Variants in TMEM156 observed in about 807,000 individuals in gnomAD.
TMEM156 encodes transmembrane protein 156.
Under a neutral mutation model 30.5 loss-of-function variants are expected in TMEM156, and 28 were observed. The observed-to-expected ratio is 0.92, with a 90% CI of 0.68 to 1.26. TMEM156 has a LOEUF of 1.26. Ranked by LOEUF, TMEM156 falls within the 50% of genes most tolerant of loss-of-function variation. TMEM156 has a pLI of 0.00. For synonymous variants in TMEM156, 137 were observed against 119.9 expected (o/e 1.14, Z -0.93); for missense variants, 351 against 340.6 (o/e 1.03, Z -0.24).
chr4:38,971,024 T>A lies in TMEM156; in HGVS notation c.*38+8A>T, dbSNP rs1722571028. 2.0e-6 allele frequency: 3 copies of A among 1,535,434 alleles called. No individual in the cohort carries two copies. The highest frequency in any genetic ancestry group is 1.1e-5 in the South Asian group (1 of 88,298). On this transcript the variant is annotated splice_region_variant and intron_variant, in intron 6 of 6. Transcript: ENST00000381938. ...TGAAGAAGTCGATAAAGCCGAATCA[T>A]CACTCACCGTGTATATTGATCTCAC...
chr4:38,981,239 T>C (rs990268766), intron 5 of TMEM156, among the ~76,000 whole-genome samples: 3 of 152,220 alleles, frequency 2.0e-5, no homozygotes, highest in Non-Finnish European at 2.9e-5. Flanking sequence ...ATAAACATGT[T>C]CCAAATTATA....
rs34271253 is a variant in TMEM156 at position 38,976,289 on chromosome 4, C to CA, written c.824-5153dup. Among the ~76,000 whole-genome samples the CA allele has an allele frequency of 2.9e-3, 214 of 74,174 alleles. 2 individuals carry two copies. Among genetic ancestry groups the CA allele is most frequent in the East Asian group, 3.6e-3 (10 of 2,752 alleles). The allele number at this position is 74,174 out of a possible 152,430, so 48.7% of individuals were successfully genotyped here. On this transcript the variant is annotated intron_variant, in intron 5 of 6. Coordinates refer to ENST00000381938, the MANE Select transcript of TMEM156 (RefSeq NM_024943.3). ...CTGGTGACAGAGCTAGACTCCGTCT[C>CA]AAAAAAAAAAAAAAAAAAAAAAGCA...
chr4:38,969,640 C>A (rs912246623), intron 6 of TMEM156, among the ~76,000 whole-genome samples: 1 of 152,098 alleles, frequency 6.6e-6, no homozygotes, highest in African/African-American at 2.4e-5. Context: ...CAAGCTAGAG[C>A]GCAGTGGCAT....
At chr4:38,999,004 T>A in intron 1 of TMEM156, 95 bp from the exon 2 acceptor site, 2 of 1,065,030 alleles carry the variant, frequency 1.9e-6, no homozygotes, top group Non-Finnish European at 2.7e-6. Context: ...TTTTCTTAGG[T>A]GGATTCAGTA....
chr4:38,974,518 C>T (rs1284524907), intron 5 of TMEM156, among the ~76,000 whole-genome samples: 4 of 152,058 alleles, frequency 2.6e-5, no homozygotes, highest in East Asian at 3.9e-4. Flanking sequence ...CATTCTCCTG[C>T]GAACTGCTCT....
At chr4:38,970,134 G>T (rs1456983716) in intron 6 of TMEM156, among the ~76,000 whole-genome samples, 1 of 144,926 alleles carries the variant, frequency 6.9e-6, no homozygotes, top group Non-Finnish European at 1.5e-5. Flanking sequence ...CTCACACACT[G>T]TGTGTGTGTG....
At chr4:38,984,984 C>T (rs568193288) in intron 5 of TMEM156, among the ~76,000 whole-genome samples, 1 of 133,132 alleles carries the variant, frequency 7.5e-6, no homozygotes, top group Admixed American at 7.4e-5. Context: ...ATTCCCTCGA[C>T]TATATGGGTT....
At chr4:38,981,956 T>C (rs1426523835) in intron 5 of TMEM156, among the ~76,000 whole-genome samples, 1 of 152,174 alleles carries the variant, frequency 6.6e-6, no homozygotes, top group Non-Finnish European at 1.5e-5. Flanking sequence ...ATGGTTAATA[T>C]TGAGTGTCAA....
intron 1 of TMEM156, among the ~76,000 whole-genome samples, chr4:39,006,133 T>TTATC (rs1472334243): frequency 6.6e-6 from 1 of 152,132 alleles, no homozygotes; most frequent in African/African-American, 2.4e-5. Context: ...TGACCCCAAG[T>TTATC]TATCTGCCCA....
intron 1 of TMEM156, among the ~76,000 whole-genome samples, chr4:39,010,283 G>T (rs982729220): frequency 6.6e-6 from 1 of 152,112 alleles, no homozygotes; most frequent in Non-Finnish European, 1.5e-5. Flanking sequence ...TCATGCTCAT[G>T]GATCAGAATA....
chr4:38,979,388 G>A (rs1227385827), intron 5 of TMEM156, among the ~76,000 whole-genome samples: 2 of 152,252 alleles, frequency 1.3e-5, no homozygotes, highest in Admixed American at 6.5e-5. Flanking sequence ...CGCAAAGCTA[G>A]TGTGGCTGCC....
intron 1 of TMEM156, among the ~76,000 whole-genome samples, chr4:39,007,526 A>G (rs1713823569): frequency 6.6e-6 from 1 of 152,066 alleles, no homozygotes; most frequent in Admixed American, 6.5e-5. Flanking sequence ...GGCTAACTGC[A>G]TAACTGCAAC....
At chr4:39,017,151 A>G (rs1288489534) in intron 1 of TMEM156, among the ~76,000 whole-genome samples, 1 of 148,340 alleles carries the variant, frequency 6.7e-6, no homozygotes, top group Admixed American at 6.8e-5. Flanking sequence ...CTGCCAAACC[A>G]TATCAAGTAT....
intron 1 of TMEM156, among the ~76,000 whole-genome samples, chr4:39,002,282 A>G (rs949321797): frequency 7.2e-5 from 11 of 152,158 alleles, no homozygotes; most frequent in African/African-American, 2.7e-4. Context: ...CACACGAAAA[A>G]ATGTTCACCA....
intron 1 of TMEM156, among the ~76,000 whole-genome samples, chr4:39,010,046 C>A (rs1277948506): frequency 6.6e-6 from 1 of 152,106 alleles, no homozygotes; most frequent in Non-Finnish European, 1.5e-5. Flanking sequence ...AGCAAAGTCT[C>A]AGGATACAAA....
At chr4:38,985,378 T>G (rs1279148652) in intron 5 of TMEM156, among the ~76,000 whole-genome samples, 1 of 152,116 alleles carries the variant, frequency 6.6e-6, no homozygotes, top group African/African-American at 2.4e-5. Flanking sequence ...GCCTAAATTT[T>G]TAAAATATTT....
intron 4 of TMEM156, among the ~76,000 whole-genome samples, 156 bp from the exon 5 acceptor site, chr4:38,986,575 G>C (rs1712002183): frequency 6.6e-6 from 1 of 152,034 alleles, no homozygotes; most frequent in Admixed American, 6.6e-5. Flanking sequence ...TTGGGAGGCT[G>C]AGGCAGGGAG....
intron 1 of TMEM156, among the ~76,000 whole-genome samples, chr4:39,031,555 C>T (rs147446975): frequency 1.4e-4 from 21 of 152,208 alleles, no homozygotes; most frequent in African/African-American, 4.1e-4. Flanking sequence ...ATATCACTTT[C>T]TTCATTAAAG....
At chr4:39,022,134 C>T (rs865886926) in intron 1 of TMEM156, among the ~76,000 whole-genome samples, 23 of 152,090 alleles carry the variant, frequency 1.5e-4, no homozygotes, top group African/African-American at 5.1e-4. Flanking sequence ...CACCATTAAC[C>T]CAAAGTGACT....
Sources: gnomAD v4.1 joint callset for allele counts (sites outside exome capture counted in the v4.1 genomes callset) on GRCh38, gnomAD v4.1.1 for gene constraint, MANE v1.5 for transcripts, NCBI Gene and HGNC (gene_info 2026-07-23, HGNC 2026-07-21) for gene names.